Variants in MICAL3 observed in about 807,000 individuals in gnomAD.
The protein encoded by MICAL3 is microtubule associated monooxygenase, calponin and LIM domain containing 3, also known as [F-actin]-monooxygenase MICAL3.
A neutral mutation model predicts 207.4 loss-of-function variants in MICAL3; 62 were observed. The ratio of observed to expected loss-of-function variants is 0.30; its 90% CI spans 0.24 to 0.37. The LOEUF (loss-of-function observed/expected upper bound fraction) is 0.37. Among genes scored for constraint, MICAL3 ranks in the 10% least tolerant of loss-of-function variants. MICAL3 has a pLI of 1.00. For synonymous variants in MICAL3, 1,077 were observed against 1,069.3 expected, an observed-to-expected ratio of 1.01 and a Z score of -0.14; for missense variants, 2,368 against 2,635.6, an observed-to-expected ratio of 0.90 and a Z score of 2.22.
intron 1 of MICAL3, among the ~76,000 whole-genome samples, chr22:17,914,042 C>T (rs1406055565): frequency 6.6e-6 from 1 of 152,170 alleles, no homozygotes; most frequent in Non-Finnish European, 1.5e-5. Context: ...TTATCAGTGC[C>T]AGGAACAGAG....
At chr22:17,941,153 C>G (rs1056735065) in intron 1 of MICAL3, among the ~76,000 whole-genome samples, 3 of 152,226 alleles carry the variant, frequency 2.0e-5, no homozygotes, top group African/African-American at 7.2e-5. Context: ...CACCTGCTCT[C>G]TTCGTCTCAT....
intron 16 of MICAL3, 96 bp downstream of exon 16, chr22:17,885,782 G>A (rs2289718): frequency 0.23 from 291,277 of 1,293,990 alleles, 33,737 homozygotes; most frequent in Middle Eastern, 0.31. Flanking sequence ...CGAACGCTGG[G>A]GTCTGTGACA....
At chr22:17,876,971 TATGGAGGTTAGGGAGGTTAGGGAGGTG>T (rs1928585383) in intron 16 of MICAL3, 1 of 123,954 alleles carries the variant, frequency 8.1e-6, no homozygotes, top group African/African-American at 3.6e-5. Flanking sequence ...TTAGGGAGGT[TATGGAGGTTAGGGAGGTTAGGGAGGTG>T]AGGGAGGTTA....
intron 1 of MICAL3, among the ~76,000 whole-genome samples, chr22:17,912,199 C>A (rs5747402): frequency 6.6e-6 from 1 of 152,082 alleles, no homozygotes; most frequent in African/African-American, 2.4e-5. Flanking sequence ...GTTTATATGT[C>A]TGCCTTTATG....
intron 16 of MICAL3, among the ~76,000 whole-genome samples, chr22:17,878,885 C>T (rs548755273): frequency 9.2e-5 from 14 of 152,256 alleles, no homozygotes; most frequent in East Asian, 1.9e-4. Context: ...AAAATCCTCA[C>T]GCTGGTAAGA....
chr22:17,840,385 C>G (rs1172262093), intron 20 of MICAL3: 1 of 152,242 alleles, frequency 6.6e-6, no homozygotes, highest in Non-Finnish European at 1.5e-5. Flanking sequence ...AGCCACTGCG[C>G]CCAGCATGAA....
At chr22:17,856,681 G>A (rs1925939085) in intron 19 of MICAL3, among the ~76,000 whole-genome samples, 2 of 148,008 alleles carry the variant, frequency 1.4e-5, no homozygotes, top group Non-Finnish European at 3.0e-5. Flanking sequence ...GACTGCAGTG[G>A]CGCAATCTCG....
chr22:17,897,422 CAA>C (rs71754131), intron 7 of MICAL3, among the ~76,000 whole-genome samples: 12 of 41,804 alleles, frequency 2.9e-4, no homozygotes, highest in African/African-American at 2.6e-4. Context: ...GACTCCAACT[CAA>C]AAAAAAAAAA....
intron 1 of MICAL3, chr22:17,983,536 C>G (rs395227): frequency 0.36 from 54,439 of 151,270 alleles, 10,381 homozygotes; most frequent in East Asian, 0.5. Flanking sequence ...GTCCTTCAGA[C>G]TCAGCTGCAC....
chr22:17,820,097 C>A (rs1233366342), intron 25 of MICAL3, among the ~76,000 whole-genome samples: 2 of 149,478 alleles, frequency 1.3e-5, no homozygotes, highest in East Asian at 3.9e-4. Context: ...CATGCCACTG[C>A]ACTATTGCCC....
intron 17 of MICAL3, among the ~76,000 whole-genome samples, chr22:17,867,881 AT>A (rs369102708): frequency 6.6e-6 from 1 of 152,084 alleles, no homozygotes; most frequent in African/African-American, 2.4e-5. Flanking sequence ...TCTTCCTTCT[AT>A]TTTTTTCCTA....
chr22:17,867,239 C>T (rs1350298759), intron 17 of MICAL3, among the ~76,000 whole-genome samples: 1 of 99,682 alleles, frequency 1.0e-5, no homozygotes, highest in Non-Finnish European at 2.5e-5. Context: ...CTTTCTCAGA[C>T]AGAATGTTTC....
chr22:18,010,462 TAG>T (rs1225290621), intron 1 of MICAL3, among the ~76,000 whole-genome samples: 1 of 152,102 alleles, frequency 6.6e-6, no homozygotes, highest in Non-Finnish European at 1.5e-5. Flanking sequence ...GAGACTTGGA[TAG>T]AGAGAGTCTT....
At chr22:18,015,295 G>C (rs528897568) in intron 1 of MICAL3, among the ~76,000 whole-genome samples, 13 of 151,910 alleles carry the variant, frequency 8.6e-5, no homozygotes, top group Non-Finnish European at 1.6e-4. Flanking sequence ...CATAATTTCT[G>C]AGATTTCTCT....
chr22:17,918,638 C>A (rs982227598), intron 1 of MICAL3, among the ~76,000 whole-genome samples: 46 of 152,080 alleles, frequency 3.0e-4, no homozygotes, highest in Admixed American at 3.3e-4. Flanking sequence ...GAGCGCCCCC[C>A]AGACCTGCAC....
chr22:17,951,494 T>C (rs1299199339), intron 1 of MICAL3, among the ~76,000 whole-genome samples: 1 of 151,582 alleles, frequency 6.6e-6, no homozygotes, highest in Non-Finnish European at 1.5e-5. Context: ...GATCTAGTAT[T>C]CATTATCCCT....
At chr22:17,809,064 G>A (rs1397044747) in intron 28 of MICAL3, 127 bp from the exon 29 acceptor site, 19 of 765,212 alleles carry the variant, frequency 2.5e-5, no homozygotes, top group Middle Eastern at 2.3e-4. Flanking sequence ...GTCTGTGGGC[G>A]GTGCGCTCAG....
intron 19 of MICAL3, among the ~76,000 whole-genome samples, chr22:17,850,442 A>G (rs2587117): frequency 0.45 from 57,900 of 127,996 alleles, 13,285 homozygotes; most frequent in African/African-American, 0.63. Context: ...ATGGAGTCTC[A>G]CTCTGTTACC....
intron 19 of MICAL3, among the ~76,000 whole-genome samples, chr22:17,856,433 C>T (rs1925895728): frequency 6.6e-6 from 1 of 152,072 alleles, no homozygotes; most frequent in Non-Finnish European, 1.5e-5. Flanking sequence ...TCTCTAAGCA[C>T]CCAGTGCTTC....
Sources: gnomAD v4.1 joint callset for allele counts (sites outside exome capture counted in the v4.1 genomes callset) on GRCh38, gnomAD v4.1.1 for gene constraint, MANE v1.5 for transcripts, NCBI Gene and HGNC (gene_info 2026-07-23, HGNC 2026-07-21) for gene names.